The following ALPK1 variants were observed in gnomAD, a reference collection of about 807,000 sequenced individuals.
ALPK1 encodes the protein alpha-protein kinase 1.
ALPK1 carries 110 observed loss-of-function variants against 120.6 expected under a neutral mutation model. That is an observed-to-expected ratio of 0.91 (90% CI 0.78 to 1.07). ALPK1 has a LOEUF of 1.07. Among genes scored for constraint, ALPK1 ranks in the 50% least tolerant of loss-of-function variants. The probability of loss-of-function intolerance (pLI) is 0.00; values close to 1 mark genes in which losing one functional copy is unlikely to be tolerated. For synonymous variants in ALPK1, 582 were observed against 560.3 expected, an observed-to-expected ratio of 1.04 and a Z score of -0.55; for missense variants, 1,498 against 1,483.9, an observed-to-expected ratio of 1.01 and a Z score of -0.16.
At chr4:112,426,742 G>A (rs1339262913) in intron 8 of ALPK1, among the ~76,000 whole-genome samples, 199 bp downstream of exon 8, 1 of 152,120 alleles carries the variant, frequency 6.6e-6, no homozygotes, top group Non-Finnish European at 1.5e-5. Context: ...GACTCTTGGT[G>A]CATAGATGGT....
At chr4:112,378,767 T>C (rs910040768) in intron 3 of ALPK1, among the ~76,000 whole-genome samples, 13 of 152,256 alleles carry the variant, frequency 8.5e-5, no homozygotes, top group African/African-American at 2.9e-4. Flanking sequence ...CATTATGTAA[T>C]GGGAAAATGT....
intron 1 of ALPK1, among the ~76,000 whole-genome samples, chr4:112,311,970 G>A (rs1251251609): frequency 2.7e-5 from 4 of 150,402 alleles, no homozygotes; most frequent in Non-Finnish European, 4.4e-5. Context: ...ATACACACAG[G>A]GGGTCACAGT....
chr4:112,376,954 G>A lies in ALPK1; in HGVS notation c.-100-724G>A, dbSNP rs542527974. On this transcript the variant is annotated intron_variant, in intron 2 of 15. Transcript: ENST00000650871. ...GAATTTGTCAGGCATTTTTTTTTGC[G>A]CTGTTAGTAAGTTATTTCATTCTTG... 2.6e-5 allele frequency among the ~76,000 whole-genome samples: 4 copies of A among 151,320 alleles called. No homozygotes were observed. The East Asian group carries it at 5.8e-4, about 22-fold the overall frequency.
chr4:112,334,630 T>C (rs911129562), intron 2 of ALPK1, among the ~76,000 whole-genome samples: 38 of 152,094 alleles, frequency 2.5e-4, no homozygotes, highest in African/African-American at 7.7e-4. Context: ...TTAGTTCTTA[T>C]ATAGGAGTCT....
chr4:112,415,425 C>T (rs1228123099), intron 5 of ALPK1, among the ~76,000 whole-genome samples: 1 of 152,186 alleles, frequency 6.6e-6, no homozygotes, highest in Non-Finnish European at 1.5e-5. Flanking sequence ...TACCTGAAGT[C>T]AGGAGTTCGA....
intron 4 of ALPK1, among the ~76,000 whole-genome samples, chr4:112,402,674 A>G (rs1343597232): frequency 2.6e-5 from 4 of 152,248 alleles, no homozygotes; most frequent in African/African-American, 9.6e-5. Flanking sequence ...TCAGAAATCC[A>G]GCACATTCTC....
At chr4:112,381,742 A>C (rs1362537189) in intron 3 of ALPK1, among the ~76,000 whole-genome samples, 1 of 152,154 alleles carries the variant, frequency 6.6e-6, no homozygotes, top group Non-Finnish European at 1.5e-5. Flanking sequence ...CTTAAGAAAA[A>C]TTTCCAGTTG....
chr4:112,312,346 T>C (rs1728441948), intron 1 of ALPK1, among the ~76,000 whole-genome samples: 1 of 152,122 alleles, frequency 6.6e-6, no homozygotes, highest in Non-Finnish European at 1.5e-5. Flanking sequence ...TGATCTAGGC[T>C]CACTGCAAGC....
chr4:112,313,559 C>A (rs1728508041), intron 1 of ALPK1, among the ~76,000 whole-genome samples: 1 of 152,140 alleles, frequency 6.6e-6, no homozygotes, highest in South Asian at 2.1e-4. Context: ...CCCATCTCTA[C>A]TAAAAATACA....
intron 2 of ALPK1, among the ~76,000 whole-genome samples, chr4:112,361,569 G>A (rs1280180403): frequency 6.6e-6 from 1 of 152,152 alleles, no homozygotes; most frequent in Non-Finnish European, 1.5e-5. Context: ...GCAAGCCAGG[G>A]CCAAGGAGAG....
At chr4:112,392,266 C>G (rs941964314) in intron 4 of ALPK1, among the ~76,000 whole-genome samples, 1 of 152,100 alleles carries the variant, frequency 6.6e-6, no homozygotes, top group Non-Finnish European at 1.5e-5. Flanking sequence ...TTATCCACCC[C>G]CAGCGATCAC....
chr4:112,412,140 T>C (rs1330622878), intron 5 of ALPK1, 115 bp downstream of exon 5: 38 of 1,307,102 alleles, frequency 2.9e-5, no homozygotes, highest in Non-Finnish European at 3.6e-5. Context: ...GCGTGCCATC[T>C]TTCCGAGCCC....
rs1014676021 is a variant in ALPK1 at position 112,358,141 on chromosome 4, T to G, written c.-100-19537T>G. The G allele has an allele frequency of 2.0e-5, 12 of 611,354 alleles. No homozygotes were observed. In the East Asian group the frequency reaches 2.5e-4, roughly 13 times the overall value. The allele number at this position is 611,354 out of a possible 1,614,324, so 37.9% of individuals were successfully genotyped here. A position where few individuals can be genotyped will look rare whatever the true frequency, so the allele number is the denominator to read the frequency against. On this transcript the variant is annotated intron_variant, in intron 2 of 15. Coordinates refer to ENST00000650871, the MANE Select transcript of ALPK1 (RefSeq NM_025144.4). Reference sequence around the variant, plus strand: ...TTGGGGCTGGGGGCCAGTTCCTCTCTGGGCAGGCGTCCAGGGCTGTGAACC... The same window carrying G: ...TTGGGGCTGGGGGCCAGTTCCTCTCGGGGCAGGCGTCCAGGGCTGTGAACC...
chr4:112,298,781 A>G (rs549396093), intron 1 of ALPK1, among the ~76,000 whole-genome samples: 1 of 152,292 alleles, frequency 6.6e-6, no homozygotes, highest in African/African-American at 2.4e-5. Context: ...GTGCCATGTG[A>G]TCTAGGTTTG....
At chr4:112,412,904 G>T (rs1733552394) in intron 5 of ALPK1, among the ~76,000 whole-genome samples, 2 of 152,166 alleles carry the variant, frequency 1.3e-5, no homozygotes, top group African/African-American at 4.8e-5. Context: ...ATGCTAAATA[G>T]GACAATTGCT....
chr4:112,355,191 T>G (rs914475939), intron 2 of ALPK1, among the ~76,000 whole-genome samples: 4 of 152,246 alleles, frequency 2.6e-5, no homozygotes, highest in African/African-American at 4.8e-5. Context: ...AATGGTGTAT[T>G]TTTATTAAAT....
chr4:112,333,819 T>C (rs1014961502), intron 2 of ALPK1, among the ~76,000 whole-genome samples: 23 of 152,202 alleles, frequency 1.5e-4, no homozygotes, highest in Admixed American at 1.5e-3. Flanking sequence ...TAGACTCTCC[T>C]TCTGATATTT....
intron 4 of ALPK1, among the ~76,000 whole-genome samples, chr4:112,393,935 T>C (rs557195979): frequency 6.6e-6 from 1 of 151,682 alleles, no homozygotes; most frequent in South Asian, 2.1e-4. Context: ...GTGAAATATA[T>C]ATATATATAT....
intron 4 of ALPK1, among the ~76,000 whole-genome samples, chr4:112,388,862 G>T (rs1732271995): frequency 1.3e-5 from 2 of 152,180 alleles, no homozygotes; most frequent in South Asian, 2.1e-4. Flanking sequence ...TGTGGCAGTT[G>T]CTCAATCTAT....
Sources: allele counts gnomAD v4.1 joint callset (sites outside exome capture counted in the v4.1 genomes callset), GRCh38; gene constraint gnomAD v4.1.1; transcripts MANE v1.5; gene names NCBI Gene and HGNC (gene_info 2026-07-23, HGNC 2026-07-21).